Variants in NKAIN3 observed in about 807,000 individuals in gnomAD.
The protein encoded by NKAIN3 is sodium/potassium-transporting ATPase subunit beta-1-interacting protein 3.
A neutral mutation model predicts 30.2 loss-of-function variants in NKAIN3; 25 were observed. The ratio of observed to expected loss-of-function variants is 0.83; its 90% CI spans 0.60 to 1.16. The LOEUF (loss-of-function observed/expected upper bound fraction) is 1.16, where lower values mean the gene tolerates loss of function less well. Ranked by LOEUF, NKAIN3 falls within the 50% of genes most tolerant of loss-of-function variation. The pLI is 0.00. For synonymous variants in NKAIN3, 91 were observed against 89.6 expected (o/e 1.02, Z -0.09); for missense variants, 225 against 254.1 (o/e 0.89, Z 0.78).
chr8:62,600,289 A>G (rs1810950554), intron 3 of NKAIN3, among the ~76,000 whole-genome samples: 1 of 152,028 alleles, frequency 6.6e-6, no homozygotes, highest in Non-Finnish European at 1.5e-5. Flanking sequence ...AAAATGAATG[A>G]AAGACATTCT....
At chr8:62,606,418 A>G (rs1811134425) in intron 3 of NKAIN3, among the ~76,000 whole-genome samples, 1 of 152,144 alleles carries the variant, frequency 6.6e-6, no homozygotes, top group African/African-American at 2.4e-5. Context: ...TCAGTGCACA[A>G]CTGCACTATT....
intron 3 of NKAIN3, among the ~76,000 whole-genome samples, chr8:62,709,554 G>T (rs1252669180): frequency 6.6e-6 from 1 of 152,046 alleles, no homozygotes; most frequent in African/African-American, 2.4e-5. Flanking sequence ...TTTCAGTGGT[G>T]TCAGTTGTAA....
chr8:62,609,861 GAAGA>G (rs1811237636), intron 3 of NKAIN3, among the ~76,000 whole-genome samples: 2 of 152,174 alleles, frequency 1.3e-5, no homozygotes, highest in East Asian at 3.9e-4. Flanking sequence ...GAGGAGAGCC[GAAGA>G]AAGAGCAATG....
At chr8:62,407,545 C>T (rs909130280) in intron 1 of NKAIN3, among the ~76,000 whole-genome samples, 12 of 151,566 alleles carry the variant, frequency 7.9e-5, no homozygotes, top group African/African-American at 1.5e-4. Context: ...CTACAAGGCA[C>T]GCACCACCAC....
At chr8:62,904,702 A>G (rs1483551253) in intron 4 of NKAIN3, among the ~76,000 whole-genome samples, 1 of 152,214 alleles carries the variant, frequency 6.6e-6, no homozygotes, top group African/African-American at 2.4e-5. Flanking sequence ...CTCACTTTGC[A>G]ATGCAATTCT....
chr8:62,692,373 C>A (rs1022343618), intron 3 of NKAIN3, among the ~76,000 whole-genome samples: 1 of 152,166 alleles, frequency 6.6e-6, no homozygotes, highest in Non-Finnish European at 1.5e-5. Context: ...GTATAAGAAG[C>A]AATTTGAGAA....
In NKAIN3 at chr8:62,403,444, G is replaced by A. The variant is rs563520777; in HGVS notation, c.54+154317G>A. On this transcript the variant is annotated intron_variant, in intron 1 of 6. Coordinates refer to ENST00000623646, the MANE Select transcript of NKAIN3 (RefSeq NM_001304533.3). ...CATTACAGGCCCAGAGGCTTAAAAG[G>A]AAAAAATGGGCCAGATCCAGGGCTC... 2.0e-5 allele frequency among the ~76,000 whole-genome samples: 3 copies of A among 152,244 alleles called. No homozygotes were observed. The East Asian group carries it at 5.8e-4, about 29-fold the overall frequency.
chr8:62,871,470 A>T (rs1031427001), intron 4 of NKAIN3, among the ~76,000 whole-genome samples: 2 of 151,676 alleles, frequency 1.3e-5, no homozygotes, highest in East Asian at 3.9e-4. Flanking sequence ...AGTTACCATT[A>T]GTGTGTGTGT....
intron 4 of NKAIN3, among the ~76,000 whole-genome samples, chr8:62,894,092 C>T (rs369300804): frequency 2.6e-5 from 4 of 152,156 alleles, no homozygotes; most frequent in African/African-American, 9.7e-5. Context: ...TTCCTCCTCA[C>T]TTATTATCAA....
chr8:62,939,652 C>T (rs965236278), intron 5 of NKAIN3, among the ~76,000 whole-genome samples: 3 of 151,952 alleles, frequency 2.0e-5, no homozygotes, highest in Non-Finnish European at 2.9e-5. Flanking sequence ...TCCAACAAAA[C>T]CAAGCTTCAT....
chr8:62,880,000 G>C (rs1355002844), intron 4 of NKAIN3, among the ~76,000 whole-genome samples: 1 of 152,142 alleles, frequency 6.6e-6, no homozygotes, highest in East Asian at 1.9e-4. Context: ...TGAAGAGGTG[G>C]CAGAAGCTGC....
At chr8:62,758,724 A>G (rs181136957) in intron 4 of NKAIN3, among the ~76,000 whole-genome samples, 1 of 152,244 alleles carries the variant, frequency 6.6e-6, no homozygotes, top group East Asian at 1.9e-4. Context: ...TGCCCTTAAC[A>G]TATTTTAGGT....
At chr8:62,398,367 A>G (rs1228722774) in intron 1 of NKAIN3, among the ~76,000 whole-genome samples, 2 of 152,238 alleles carry the variant, frequency 1.3e-5, no homozygotes, top group Non-Finnish European at 2.9e-5. Flanking sequence ...CCTGCCGCAC[A>G]TTTAAGAATA....
chr8:62,253,444 C>G (rs934699644), intron 1 of NKAIN3, among the ~76,000 whole-genome samples: 6 of 152,100 alleles, frequency 3.9e-5, no homozygotes, highest in African/African-American at 1.4e-4. Flanking sequence ...GTGAGTTGTG[C>G]CTCTAGCCCC....
chr8:62,589,593 G>T (rs980800830), intron 2 of NKAIN3, 121 bp from the exon 3 acceptor site: 31 of 505,098 alleles, frequency 6.1e-5, no homozygotes, highest in Admixed American at 2.7e-4. Flanking sequence ...TTTTCTGAGC[G>T]CTCCGTCAGT....
intron 3 of NKAIN3, among the ~76,000 whole-genome samples, chr8:62,667,315 T>TTATA (rs777514293): frequency 7.5e-6 from 1 of 134,156 alleles, no homozygotes; most frequent in Non-Finnish European, 1.5e-5. Context: ...ATATATATAT[T>TTATA]TATATATATA....
chr8:62,729,040 C>T lies in NKAIN3; in HGVS notation c.274-17892C>T, dbSNP rs28766979. ...CAAACAAACCAAAAAAAAAAAAAAA[C>T]AAAAAAAAAAAACCTCCTGCTCTGC... On this transcript the variant is annotated intron_variant, in intron 3 of 6. Coordinates refer to ENST00000623646, the MANE Select transcript of NKAIN3 (RefSeq NM_001304533.3). Among the ~76,000 whole-genome samples, 76 of 61,198 alleles carry T rather than the reference C, an allele frequency of 1.2e-3. 3 individuals are homozygous for T. Among genetic ancestry groups the T allele is most frequent in the African/African-American group, 4.9e-3 (70 of 14,176 alleles). The allele number at this position is 61,198 out of a possible 152,430, so 40.1% of individuals were successfully genotyped here.
At chr8:62,752,991 C>G (rs948993203) in intron 4 of NKAIN3, among the ~76,000 whole-genome samples, 3 of 152,122 alleles carry the variant, frequency 2.0e-5, no homozygotes, top group African/African-American at 7.2e-5. Context: ...GATTGTAACT[C>G]TATCTTTGAA....
chr8:62,783,107 T>C lies in NKAIN3; in HGVS notation c.471+35978T>C, dbSNP rs537539624. Among the ~76,000 whole-genome samples, 11 of 152,176 alleles carry C rather than the reference T, an allele frequency of 7.2e-5. No individual in the cohort carries two copies. The South Asian group carries it at 2.3e-3, about 32-fold the overall frequency. On this transcript the variant is annotated intron_variant, in intron 4 of 6. Transcript: ENST00000623646. The stretch of plus-strand genomic sequence containing the variant: ...ATAAAATAAAATAAAACTTTTTAAG[T>C]TTACAGACATGCACAAAAATAATTG...
Sources: gnomAD v4.1 joint callset for allele counts (sites outside exome capture counted in the v4.1 genomes callset) on GRCh38, gnomAD v4.1.1 for gene constraint, MANE v1.5 for transcripts, NCBI Gene and HGNC (gene_info 2026-07-23, HGNC 2026-07-21) for gene names.